Variants in GPHN observed in about 807,000 individuals in gnomAD.
The protein encoded by GPHN is gephyrin.
In GPHN, 17 loss-of-function variants were observed where a neutral mutation model predicts 95.5. That is an observed-to-expected ratio of 0.18 (90% confidence interval 0.12 to 0.27). The LOEUF is 0.27. Ranked by LOEUF, GPHN falls within the 10% of genes least tolerant of loss-of-function variation. The pLI, the probability that GPHN is intolerant of heterozygous loss-of-function variation, is 1.00. For synonymous variants in GPHN, 320 were observed against 322.5 expected (o/e 0.99, Z 0.08); for missense variants, 660 against 978.1 (o/e 0.67, Z 4.34).
intron 1 of GPHN, among the ~76,000 whole-genome samples, chr14:66,511,277 T>C (rs986699701): frequency 3.3e-5 from 5 of 152,208 alleles, no homozygotes; most frequent in Non-Finnish European, 7.4e-5. Flanking sequence ...AGTTTTACTA[T>C]GTAGAATTAT....
At chr14:66,701,999 C>T (rs1051394477) in intron 2 of GPHN, among the ~76,000 whole-genome samples, 4 of 152,178 alleles carry the variant, frequency 2.6e-5, no homozygotes, top group Non-Finnish European at 5.9e-5. Context: ...ACATGTCCTC[C>T]ACAGCCCAAC....
the GPHN span, among the ~76,000 whole-genome samples, chr14:67,568,139 T>C: frequency 0.032 from 4,875 of 152,242 alleles, 76 homozygotes; most frequent in East Asian, 0.06. Flanking sequence ...GTGCCCTAAG[T>C]TCCCACATAT....
At chr14:66,772,252 C>T (rs960345907) in intron 2 of GPHN, among the ~76,000 whole-genome samples, 1 of 152,154 alleles carries the variant, frequency 6.6e-6, no homozygotes, top group African/African-American at 2.4e-5. Context: ...TTACTTTCTC[C>T]ATCTCCACTG....
chr14:66,838,398 G>T (rs2061944861), intron 4 of GPHN, among the ~76,000 whole-genome samples: 1 of 152,012 alleles, frequency 6.6e-6, no homozygotes, highest in Admixed American at 6.6e-5. Context: ...AAACAAGATA[G>T]AACTTAAAGT....
chr14:66,955,733 T>C (rs111696947), intron 8 of GPHN, among the ~76,000 whole-genome samples: 79 of 151,978 alleles, frequency 5.2e-4, no homozygotes, highest in African/African-American at 1.6e-3. Context: ...GGCCATGGTA[T>C]GTGATGTTCC....
the GPHN span, among the ~76,000 whole-genome samples, chr14:67,436,152 C>T: frequency 6.6e-6 from 1 of 152,200 alleles, no homozygotes; most frequent in Admixed American, 6.5e-5. Flanking sequence ...AGTCTTGGGG[C>T]TTCTTGCCAG....
At chr14:67,633,013 T>A in the GPHN span, among the ~76,000 whole-genome samples, 1 of 151,356 alleles carries the variant, frequency 6.6e-6, no homozygotes, top group African/African-American at 2.4e-5. Context: ...GTAGAGACAG[T>A]GTTTCACCAT....
chr14:67,149,605 A>T (rs1442752166), intron 18 of GPHN, among the ~76,000 whole-genome samples: 1 of 152,206 alleles, frequency 6.6e-6, no homozygotes, highest in Non-Finnish European at 1.5e-5. Flanking sequence ...AAAACAAAAG[A>T]ACACTTATAG....
chr14:66,886,598 A>G (rs2064206162), intron 5 of GPHN, among the ~76,000 whole-genome samples: 1 of 152,188 alleles, frequency 6.6e-6, no homozygotes, highest in South Asian at 2.1e-4. Flanking sequence ...CTGAAAAAAA[A>G]TCATTAGTGG....
At chr14:66,818,462 A>G (rs1022680808) in intron 3 of GPHN, among the ~76,000 whole-genome samples, 1 of 152,194 alleles carries the variant, frequency 6.6e-6, no homozygotes, top group African/African-American at 2.4e-5. Flanking sequence ...ATAGTATTGC[A>G]TGGAGCATAG....
chr14:66,546,931 C>A (rs372759529), intron 1 of GPHN, among the ~76,000 whole-genome samples: 181 of 152,198 alleles, frequency 1.2e-3, no homozygotes, highest in African/African-American at 4.0e-3. Context: ...CAAACAATGA[C>A]TGACATTTTG....
Position 67,125,606 on chromosome 14 carries a change from G to A in GPHN, c.1748+3229G>A, listed in dbSNP as rs575284395. ...AGCCTGACCAACGTGGCGAACCCCCGTCTGTACTAAAAATACAAAAATTAG... is the reference window on the plus strand; with the variant it reads ...AGCCTGACCAACGTGGCGAACCCCCATCTGTACTAAAAATACAAAAATTAG... On this transcript the variant is annotated intron_variant, in intron 17 of 22. Coordinates refer to ENST00000478722, the MANE Select transcript of GPHN (RefSeq NM_020806.5). Among the ~76,000 whole-genome samples the A allele has an allele frequency of 3.6e-4, 55 of 152,184 alleles. No individual in the cohort carries two copies. The South Asian group carries it at 7.7e-3, about 21-fold the overall frequency.
At chr14:67,047,454 C>A (rs1473418352) in intron 10 of GPHN, among the ~76,000 whole-genome samples, 2 of 151,148 alleles carry the variant, frequency 1.3e-5, no homozygotes, top group Non-Finnish European at 2.9e-5. Flanking sequence ...CAACCTCTGC[C>A]TCCCGGATTC....
chr14:67,554,873 G>GAGT, the GPHN span, among the ~76,000 whole-genome samples: 1 of 152,158 alleles, frequency 6.6e-6, no homozygotes, highest in South Asian at 2.1e-4. Flanking sequence ...CCTCAGCCTT[G>GAGT]AGTGACATGC....
the GPHN span, among the ~76,000 whole-genome samples, chr14:67,438,032 G>C: frequency 2.8e-4 from 43 of 152,230 alleles, no homozygotes; most frequent in African/African-American, 9.9e-4. Flanking sequence ...TATTTGGGGC[G>C]GTCTGCTCCT....
At chr14:66,594,611 C>T (rs2061894820) in intron 1 of GPHN, among the ~76,000 whole-genome samples, 1 of 152,096 alleles carries the variant, frequency 6.6e-6, no homozygotes, top group African/African-American at 2.4e-5. Context: ...ACTGGGTGTT[C>T]ACTTGCAGAA....
rs2057866449 is a variant in GPHN, at chr14:66,508,257, A to ACCG, written c.-269_-267dup. 1.8e-6 allele frequency: 1 copy of ACCG among 556,728 alleles called. No individual in the cohort carries two copies. Among genetic ancestry groups the ACCG allele is most frequent in the African/African-American group, 1.9e-5 (1 of 51,680 alleles). The allele number at this position is 556,728 out of a possible 1,614,324, so 34.5% of individuals were successfully genotyped here. A position where few individuals can be genotyped will look rare whatever the true frequency, so the allele number is the denominator to read the frequency against. On this transcript the variant is annotated 5_prime_UTR_variant, in exon 1 of 23. Coordinates refer to ENST00000478722, the MANE Select transcript of GPHN (RefSeq NM_020806.5). The stretch of plus-strand genomic sequence containing the variant: ...CTCCGCGCGCTCTCCCCGTGCGGCC[A>ACCG]CCGCGCCCCCCAAGCTTGCCTCCTT...
At chr14:67,583,683 C>T in the GPHN span, 7 of 1,381,662 alleles carry the variant, frequency 5.1e-6, no homozygotes, top group Admixed American at 1.2e-4. Context: ...TCAACAGCCC[C>T]CACCTGGCCC....
chr14:66,934,330 G>A (rs1200033116), intron 8 of GPHN, among the ~76,000 whole-genome samples: 4 of 152,230 alleles, frequency 2.6e-5, no homozygotes, highest in African/African-American at 7.2e-5. Context: ...TGCTATTTCA[G>A]GAGATAGAGA....
Sources: gnomAD v4.1 joint callset for allele counts (sites outside exome capture counted in the v4.1 genomes callset) on GRCh38, gnomAD v4.1.1 for gene constraint, MANE v1.5 for transcripts, NCBI Gene and HGNC (gene_info 2026-07-23, HGNC 2026-07-21) for gene names.